CALD1: variants seen among roughly 807,000 people sequenced by gnomAD.
The protein encoded by CALD1 is caldesmon 1.
Under a neutral mutation model 99.9 loss-of-function variants are expected in CALD1, and 33 were observed. The observed-to-expected ratio is 0.33, with a 90% confidence interval of 0.25 to 0.44. The LOEUF is 0.44. Ranked by LOEUF, CALD1 falls within the 20% of genes least tolerant of loss-of-function variation. The pLI is 1.00. For synonymous variants in CALD1, 310 were observed against 325.0 expected (o/e 0.95, Z 0.50); for missense variants, 861 against 962.1 (o/e 0.89, Z 1.39).
At chr7:134,731,823 ACT>A in the CALD1 span, among the ~76,000 whole-genome samples, 1 of 152,062 alleles carries the variant, frequency 6.6e-6, no homozygotes, top group Non-Finnish European at 1.5e-5. Context: ...GTCTGGCTTT[ACT>A]AACTCCTTTC....
intron 1 of CALD1, among the ~76,000 whole-genome samples, chr7:134,764,971 G>T (rs548486893): frequency 4.6e-5 from 7 of 152,168 alleles, no homozygotes; most frequent in Non-Finnish European, 1.0e-4. Context: ...TTATCTTATT[G>T]GTAGTAAGAT....
At chr7:134,859,483 G>T (rs1268229223) in intron 2 of CALD1, among the ~76,000 whole-genome samples, 2 of 152,156 alleles carry the variant, frequency 1.3e-5, no homozygotes, top group Admixed American at 1.3e-4. Flanking sequence ...TCAAGGAAAA[G>T]TATTTAAATG....
chr7:134,863,926 A>G (rs1315742962), intron 2 of CALD1, among the ~76,000 whole-genome samples: 1 of 152,022 alleles, frequency 6.6e-6, no homozygotes, highest in Admixed American at 6.6e-5. Context: ...AGAGGCAGAG[A>G]AAAAAAAGCA....
intron 3 of CALD1, among the ~76,000 whole-genome samples, chr7:134,905,860 A>C (rs946372281): frequency 2.7e-5 from 4 of 148,636 alleles, no homozygotes; most frequent in Admixed American, 1.3e-4. Context: ...TATTAATCTC[A>C]CATGACTTTG....
the CALD1 span, among the ~76,000 whole-genome samples, chr7:134,715,418 G>A: frequency 0.049 from 7,381 of 152,178 alleles, 547 homozygotes; most frequent in African/African-American, 0.16. Context: ...GTAAACTATT[G>A]CAAGTATACA....
intron 1 of CALD1, among the ~76,000 whole-genome samples, chr7:134,750,843 C>A (rs1796680043): frequency 1.3e-5 from 2 of 152,090 alleles, no homozygotes; most frequent in African/African-American, 2.4e-5. Context: ...AGGTCACTTA[C>A]ATTTTTCTCT....
chr7:134,804,525 C>T (rs925360359), intron 1 of CALD1, among the ~76,000 whole-genome samples: 1 of 152,182 alleles, frequency 6.6e-6, no homozygotes, highest in Non-Finnish European at 1.5e-5. Context: ...CATTTCCTTC[C>T]TAGGACTGAA....
rs2133314695 is a variant in CALD1, at chr7:134,969,219, G to A, written c.*874G>A. On this transcript the variant is annotated 3_prime_UTR_variant, in exon 15 of 15. Transcript: ENST00000361675. ...AAACATGGCAGATAGGTATCAATAT[G>A]TTTTCAATGCCTGATGACCTATAAG... The A allele has an allele frequency of 6.6e-6, 1 of 152,444 alleles. No homozygotes were observed. Among genetic ancestry groups the A allele is most frequent in the East Asian group, 1.9e-4 (1 of 5,186 alleles). The allele number at this position is 152,444 out of a possible 1,614,324, so 9.4% of individuals were successfully genotyped here. A position where few individuals can be genotyped will look rare whatever the true frequency, so the allele number is the denominator to read the frequency against.
At chr7:134,883,487 A>T (rs984846978) in intron 3 of CALD1, among the ~76,000 whole-genome samples, 33 of 152,172 alleles carry the variant, frequency 2.2e-4, no homozygotes, top group African/African-American at 8.0e-4. Flanking sequence ...TTTTCCCTTA[A>T]AAACCTGCCA....
the CALD1 span, among the ~76,000 whole-genome samples, chr7:134,736,835 T>C: frequency 6.6e-6 from 1 of 152,240 alleles, no homozygotes; most frequent in South Asian, 2.1e-4. Flanking sequence ...CCATTCTTTC[T>C]TCATTTCTAG....
chr7:134,908,031 T>C (rs1272545525), intron 3 of CALD1, among the ~76,000 whole-genome samples: 3 of 152,216 alleles, frequency 2.0e-5, no homozygotes, highest in African/African-American at 7.2e-5. Flanking sequence ...TGCTAAGAAT[T>C]GTTTTTTCAC....
At chr7:134,742,692 C>T (rs1041400311), upstream of CALD1, among the ~76,000 whole-genome samples, 3 of 152,212 alleles carry the variant, frequency 2.0e-5, no homozygotes, top group African/African-American at 7.2e-5. Flanking sequence ...GGTTCCTCTG[C>T]CCTTCTTACC....
chr7:134,884,417 C>G (rs1167568720), intron 3 of CALD1, among the ~76,000 whole-genome samples: 1 of 152,174 alleles, frequency 6.6e-6, no homozygotes, highest in African/African-American at 2.4e-5. Flanking sequence ...ATTGACTACG[C>G]AGCTTCCTAA....
In CALD1 at chr7:134,783,070, G is replaced by A. The variant is rs1347735432; in HGVS notation, c.-130+3321G>A. 6.6e-6 allele frequency among the ~76,000 whole-genome samples: 1 copy of A among 152,160 alleles called. No homozygotes were observed. Among genetic ancestry groups the A allele is most frequent in the Admixed American group, 6.5e-5 (1 of 15,278 alleles). On this transcript the variant is annotated intron_variant, in intron 1 of 14. Transcript: ENST00000361675. The surrounding 1 kb of genome is among the most constrained non-coding windows in gnomAD (Gnocchi z 4.3). ...GACAACAGAAAGCCCTTAAGTAATTGAGGCAGCTTCTCTGCCTCCAGCCAA... is the reference window on the plus strand; with the variant it reads ...GACAACAGAAAGCCCTTAAGTAATTAAGGCAGCTTCTCTGCCTCCAGCCAA...
At chr7:134,820,297 G>A (rs1016047988) in intron 1 of CALD1, among the ~76,000 whole-genome samples, 2 of 152,172 alleles carry the variant, frequency 1.3e-5, no homozygotes, top group African/African-American at 4.8e-5. Context: ...TGCCCCTGGA[G>A]ACATTTTACT....
At position 134,791,345 on chromosome 7, in the gene CALD1, C is replaced by T. The variant is rs146848942; in HGVS notation, c.-130+11596C>T. 8.2e-3 allele frequency among the ~76,000 whole-genome samples: 1,243 copies of T among 152,286 alleles called. 13 individuals are homozygous for T. Among genetic ancestry groups the T allele is most frequent in the Non-Finnish European group, 0.011 (757 of 68,018 alleles). ...CTGAGTAGCTGGGATTATAGGCACA[C>T]GCCACCATGCCCAGTTAATTTTTTG... On this transcript the variant is annotated intron_variant, in intron 1 of 14. Transcript: ENST00000361675.
chr7:134,962,993 A>G, intron 13 of CALD1: 1 of 449,892 alleles, frequency 2.2e-6, no homozygotes. Context: ...TCAGATGTTC[A>G]TATTTTCTTA....
At chr7:134,827,036 T>G (rs1356724110) in intron 1 of CALD1, among the ~76,000 whole-genome samples, 1 of 152,220 alleles carries the variant, frequency 6.6e-6, no homozygotes, top group African/African-American at 2.4e-5. Flanking sequence ...AGAAAAAAAT[T>G]AACTCTTTAG....
At chr7:134,735,456 C>T in the CALD1 span, among the ~76,000 whole-genome samples, 1 of 151,982 alleles carries the variant, frequency 6.6e-6, no homozygotes, top group African/African-American at 2.4e-5. Flanking sequence ...GCCATATATG[C>T]GTACAATCTG....
Sources: gnomAD v4.1 joint callset for allele counts (sites outside exome capture counted in the v4.1 genomes callset) on GRCh38, gnomAD v4.1.1 for gene constraint, Gnocchi (gnomAD v3.1) non-coding constraint, MANE v1.5 for transcripts, NCBI Gene and HGNC (gene_info 2026-07-23, HGNC 2026-07-21) for gene names.